Variants in PGAP2 observed in about 807,000 individuals in gnomAD.
PGAP2 encodes the protein post-GPI attachment to proteins 2.
In PGAP2, 21 loss-of-function variants were observed where a neutral mutation model predicts 33.2. That is an observed-to-expected ratio of 0.63 (90% CI 0.45 to 0.91). The LOEUF (loss-of-function observed/expected upper bound fraction) is 0.91. Ranked by LOEUF, PGAP2 falls within the 40% of genes least tolerant of loss-of-function variation. The pLI, the probability that PGAP2 is intolerant of heterozygous loss-of-function variation, is 0.00. For missense variants in PGAP2, 345 were observed against 424.0 expected (o/e 0.81, Z 1.64); for synonymous variants, 161 against 172.9 (o/e 0.93, Z 0.54).
At position 3,811,215 on chromosome 11, in the gene PGAP2, C is replaced by T; in HGVS notation, c.-10-35C>T. On this transcript the variant is annotated intron_variant, in intron 1 of 6. Coordinates refer to ENST00000278243, the MANE Select transcript of PGAP2 (RefSeq NM_014489.4). The surrounding 1 kb of genome is among the most constrained non-coding windows in gnomAD (Gnocchi z 4.6). The stretch of plus-strand genomic sequence containing the variant: ...TTATCACTGAGTGCCAGCCTGGCTG[C>T]CTGGGGCCCTGACAGCATGCCACTC... 2 of 1,584,244 alleles carry T rather than the reference C, an allele frequency of 1.3e-6. No individual in the cohort carries two copies. Among genetic ancestry groups the T allele is most frequent in the South Asian group, 2.3e-5 (2 of 86,792 alleles).
intron 2 of PGAP2, among the ~76,000 whole-genome samples, chr11:3,815,558 C>T (rs546108320): frequency 5.8e-4 from 89 of 152,280 alleles, no homozygotes; most frequent in South Asian, 8.3e-4. Context: ...AATCCAGTTC[C>T]TTCAGGCAAC....
Position 3,803,531 on chromosome 11 carries a change from A to G in PGAP2, c.140-4763A>G, listed in dbSNP as rs960145474. Among the ~76,000 whole-genome samples the G allele has an allele frequency of 1.4e-3, 204 of 147,954 alleles. 1 individual carries two copies. Among genetic ancestry groups the G allele is most frequent in the African/African-American group, 4.9e-3 (196 of 39,940 alleles). On this transcript the variant is annotated intron_variant, in intron 1 of 6. Transcript: ENST00000300730. ...CAACCTCCGCCTCCTGGGTTCAAGC[A>G]ATTCTCGTTCCTCAGCCTCCCAAGT...
At chr11:3,822,805 TC>T (rs1366941231) in intron 3 of PGAP2, 6 of 611,522 alleles carry the variant, frequency 9.8e-6, no homozygotes, top group Non-Finnish European at 1.7e-5. Flanking sequence ...GGCTTTCCTG[TC>T]CCCATCTAAA....
At chr11:3,825,298 C>G (rs2089834105) in intron 6 of PGAP2, 30 bp from the exon 7 acceptor site, 2 of 1,606,862 alleles carry the variant, frequency 1.2e-6, no homozygotes, top group African/African-American at 2.7e-5. Context: ...GGAAGTTCAC[C>G]ATGTCCTGTT....
chr11:3,798,001 C>G (rs778821816), intron 1 of PGAP2: 1 of 1,536,908 alleles, frequency 6.5e-7, no homozygotes, highest in South Asian at 1.2e-5. Context: ...TCGACCCTTT[C>G]CTTGCCCCGG....
intron 1 of PGAP2, among the ~76,000 whole-genome samples, chr11:3,801,135 CAAAA>C (rs34122688): frequency 2.7e-5 from 4 of 147,054 alleles, no homozygotes; most frequent in Non-Finnish European, 4.5e-5. Context: ...AGTCTGTCTT[CAAAA>C]AAAAAAGAAA....
In PGAP2 at chr11:3,811,259, G is replaced by A. The variant is rs747880924; in HGVS notation, c.-1G>A. 4 of 1,612,500 alleles carry A rather than the reference G, an allele frequency of 2.5e-6. No homozygotes were observed. The highest frequency in any genetic ancestry group is 3.3e-5 in the Admixed American group (2 of 59,902). ...GCCACTCCATCCCCAGGTCTGACAA[G>A]ATGTACCAGGTCCCACTACCACTGG... On this transcript the variant is annotated 5_prime_UTR_variant, in exon 2 of 7. Transcript: ENST00000278243. The surrounding 1 kb of genome is among the most constrained non-coding windows in gnomAD (Gnocchi z 4.6).
At chr11:3,813,182 G>T (rs1220668622) in intron 2 of PGAP2, among the ~76,000 whole-genome samples, 1 of 152,166 alleles carries the variant, frequency 6.6e-6, no homozygotes, top group Admixed American at 6.5e-5. Flanking sequence ...CTCCTTGAAG[G>T]CAGGCACTGC....
At chr11:3,805,298 G>C (rs1000224965), upstream of PGAP2, among the ~76,000 whole-genome samples, 4 of 127,100 alleles carry the variant, frequency 3.1e-5, no homozygotes, top group Non-Finnish European at 6.4e-5. Context: ...GTCTTGCTCT[G>C]TCACTCAGGC....
chr11:3,801,550 G>C (rs1469426721), intron 1 of PGAP2, among the ~76,000 whole-genome samples: 4 of 149,022 alleles, frequency 2.7e-5, no homozygotes, highest in Non-Finnish European at 4.4e-5. Flanking sequence ...GCTGAGGCAG[G>C]AGAATGGTGT....
intron 1 of PGAP2, among the ~76,000 whole-genome samples, chr11:3,809,858 T>C (rs2085179566): frequency 1.3e-5 from 2 of 152,096 alleles, no homozygotes; most frequent in South Asian, 4.1e-4. Flanking sequence ...TGGGTGAGAA[T>C]GTGGAGGCGT....
intron 1 of PGAP2, chr11:3,798,241 C>T: frequency 1.1e-6 from 1 of 871,844 alleles, no homozygotes; most frequent in Non-Finnish European, 1.6e-6. Flanking sequence ...TTAGAGATGC[C>T]CTAAGGGACT....
upstream of PGAP2, chr11:3,808,463 G>A: frequency 6.8e-7 from 1 of 1,477,850 alleles, no homozygotes; most frequent in Non-Finnish European, 9.0e-7. Context: ...GGAGAGCCAG[G>A]GGTCGGGGTC....
chr11:3,814,764 CT>C (rs1224587583), intron 2 of PGAP2, among the ~76,000 whole-genome samples: 1 of 92,344 alleles, frequency 1.1e-5, no homozygotes, highest in Non-Finnish European at 2.6e-5. Context: ...TTCTTTCTTT[CT>C]TTCTTTCTTT....
In PGAP2 at chr11:3,818,072, A is replaced by AAC. The variant is rs1053847127; in HGVS notation, c.348+538_348+539insCA. The AAC allele has an allele frequency of 1.6e-5, 5 of 306,652 alleles. 1 individual carries two copies. Among genetic ancestry groups the AAC allele is most frequent in the Non-Finnish European group, 3.2e-5 (5 of 156,118 alleles). 19.0% of individuals were successfully genotyped at this position (306,652 alleles called of 1,614,324 possible). On this transcript the variant is annotated intron_variant, in intron 3 of 6. Transcript: ENST00000278243. ...AAAAACAAAACAAAATAAAAAAAAAAAAACAGCAGGCTGTGCACTGTGGCT... is the reference window on the plus strand; with the variant it reads ...AAAAACAAAACAAAATAAAAAAAAAAACAAACAGCAGGCTGTGCACTGTGGCT...
At chr11:3,799,509 CCA>C (rs1218256718) in intron 1 of PGAP2, among the ~76,000 whole-genome samples, 1 of 152,060 alleles carries the variant, frequency 6.6e-6, no homozygotes, top group East Asian at 1.9e-4. Context: ...CCACTGCGCT[CCA>C]GAGTGATCTC....
intron 1 of PGAP2, chr11:3,797,992 C>A (rs1590029814): frequency 6.5e-7 from 1 of 1,540,068 alleles, no homozygotes; most frequent in East Asian, 2.6e-5. Context: ...GGTAACTATT[C>A]GACCCTTTCC....
At chr11:3,822,224 C>G (rs188987959) in intron 3 of PGAP2, among the ~76,000 whole-genome samples, 1 of 152,062 alleles carries the variant, frequency 6.6e-6, no homozygotes, top group South Asian at 2.1e-4. Flanking sequence ...ATTAGCCGGG[C>G]GTGGTGACGG....
At chr11:3,799,766 C>T (rs1011022099) in intron 1 of PGAP2, among the ~76,000 whole-genome samples, 1 of 152,112 alleles carries the variant, frequency 6.6e-6, no homozygotes. Flanking sequence ...CCCAGGAGTT[C>T]GAGACCAGCT....
Sources: gnomAD v4.1 joint callset for allele counts (sites outside exome capture counted in the v4.1 genomes callset) on GRCh38, gnomAD v4.1.1 for gene constraint, Gnocchi (gnomAD v3.1) non-coding constraint, MANE v1.5 for transcripts, NCBI Gene and HGNC (gene_info 2026-07-23, HGNC 2026-07-21) for gene names.